SMAD1: variants seen among roughly 807,000 people sequenced by gnomAD.
The protein encoded by SMAD1 is MAD, mothers against decapentaplegic homolog 1.
In SMAD1, 6 loss-of-function variants were observed where a neutral mutation model predicts 41.6. The ratio of observed to expected loss-of-function variants is 0.14; its 90% confidence interval spans 0.08 to 0.28. The LOEUF (loss-of-function observed/expected upper bound fraction) is 0.28. SMAD1 is among the 10% of genes least tolerant of loss of function. The pLI, the probability that SMAD1 is intolerant of heterozygous loss-of-function variation, is 1.00. For synonymous variants in SMAD1, 206 were observed against 203.2 expected, an observed-to-expected ratio of 1.01 and a Z score of -0.12; for missense variants, 379 against 582.6, an observed-to-expected ratio of 0.65 and a Z score of 3.60.
Position 145,547,726 on chromosome 4 carries a change from G to A in SMAD1, c.997+802G>A, listed in dbSNP as rs187408924. 1.8e-3 allele frequency among the ~76,000 whole-genome samples: 269 copies of A among 152,290 alleles called. 1 individual carries two copies. Among genetic ancestry groups the A allele is most frequent in the Non-Finnish European group, 3.3e-3 (223 of 68,012 alleles). On this transcript the variant is annotated intron_variant, in intron 5 of 6. Coordinates refer to ENST00000302085, the MANE Select transcript of SMAD1 (RefSeq NM_005900.3). ...CTGTGGAAAACAGACATATAAATGC[G>A]GAGGGGAGCAAAAAGTAAACCCTGT...
At chr4:145,505,289 C>G (rs1293144449) in intron 1 of SMAD1, among the ~76,000 whole-genome samples, 1 of 152,146 alleles carries the variant, frequency 6.6e-6, no homozygotes, top group East Asian at 1.9e-4. Context: ...TGAATCCTAT[C>G]CAAAATTGGA....
chr4:145,557,104 C>T (rs901377025), intron 6 of SMAD1, among the ~76,000 whole-genome samples: 1 of 152,152 alleles, frequency 6.6e-6, no homozygotes, highest in Admixed American at 6.5e-5. Context: ...CATTGTCCAC[C>T]CTCACCAATG....
At chr4:145,512,656 A>T (rs1486339768) in intron 1 of SMAD1, among the ~76,000 whole-genome samples, 1 of 152,176 alleles carries the variant, frequency 6.6e-6, no homozygotes, top group Admixed American at 6.5e-5. Flanking sequence ...AATAGTAATC[A>T]TTAATACTTT....
chr4:145,557,748 C>T, intron 6 of SMAD1, 43 bp from the exon 7 acceptor site: 1 of 1,493,404 alleles, frequency 6.7e-7, no homozygotes. Flanking sequence ...AGTTTAACCA[C>T]TGAGTTAAAC....
At position 145,557,670 on chromosome 4, in the gene SMAD1, G is replaced by A. The variant is rs6829091; in HGVS notation, c.1255-121G>A. 3.3e-4 allele frequency: 221 copies of A among 662,888 alleles called. No homozygotes were observed. The African/African-American group carries it at 3.8e-3, about 11-fold the overall frequency. The allele number at this position is 662,888 out of a possible 1,614,324, so 41.1% of individuals were successfully genotyped here. A position where few individuals can be genotyped will look rare whatever the true frequency, so the allele number is the denominator to read the frequency against. Reference sequence around the variant, plus strand: ...TGTTTTTTTCTCCCCAGGGGCGGGGGGGTCAGGGAGGAAAGATGCATAGCT... The same window carrying A: ...TGTTTTTTTCTCCCCAGGGGCGGGGAGGTCAGGGAGGAAAGATGCATAGCT... On this transcript the variant is annotated intron_variant, in intron 6 of 6. Coordinates refer to ENST00000302085, the MANE Select transcript of SMAD1 (RefSeq NM_005900.3).
chr4:145,537,769 T>C (rs983180512), intron 2 of SMAD1, among the ~76,000 whole-genome samples: 1 of 152,180 alleles, frequency 6.6e-6, no homozygotes, highest in African/African-American at 2.4e-5. Flanking sequence ...CAAAGGCTAG[T>C]TCTTCCTCCC....
At chr4:145,484,744 T>TA (rs1451233380) in intron 1 of SMAD1, 2 of 152,208 alleles carry the variant, frequency 1.3e-5, no homozygotes, top group African/African-American at 4.8e-5. Flanking sequence ...GCAGCTCTGA[T>TA]ATGTGTACTG....
At chr4:145,518,468 G>A (rs1486913849) in intron 2 of SMAD1, among the ~76,000 whole-genome samples, 2 of 114,878 alleles carry the variant, frequency 1.7e-5, no homozygotes, top group Non-Finnish European at 4.2e-5. Context: ...CAGCCTGGGG[G>A]ACAAGAGTGA....
chr4:145,485,370 T>C (rs1728433035), intron 1 of SMAD1, among the ~76,000 whole-genome samples: 2 of 152,198 alleles, frequency 1.3e-5, no homozygotes, highest in African/African-American at 4.8e-5. Context: ...GCCACTGCAC[T>C]CGGCTACTTA....
chr4:145,522,337 C>T (rs1181159337), intron 2 of SMAD1, among the ~76,000 whole-genome samples: 1 of 152,056 alleles, frequency 6.6e-6, no homozygotes, highest in Non-Finnish European at 1.5e-5. Context: ...TGCAGTGGCT[C>T]ACGCCTGTAA....
intron 1 of SMAD1, among the ~76,000 whole-genome samples, chr4:145,494,788 C>T (rs1247508061): frequency 6.6e-6 from 1 of 152,100 alleles, no homozygotes; most frequent in Non-Finnish European, 1.5e-5. Flanking sequence ...AGTTATGAAC[C>T]ATGTCTTTTA....
chr4:145,510,629 T>C (rs1049900458), intron 1 of SMAD1, among the ~76,000 whole-genome samples: 5 of 152,194 alleles, frequency 3.3e-5, no homozygotes, highest in African/African-American at 7.2e-5. Context: ...TTTGCTTTGT[T>C]ATTCATTATA....
chr4:145,535,582 C>G (rs1731567899), intron 2 of SMAD1, among the ~76,000 whole-genome samples: 1 of 151,980 alleles, frequency 6.6e-6, no homozygotes, highest in South Asian at 2.1e-4. Flanking sequence ...GGCTATCTTT[C>G]TTTTTAGCAG....
In SMAD1 at chr4:145,546,918, G is replaced by A; in HGVS notation, c.991G>A (p.Gly331Arg). 6.2e-7 allele frequency: 1 copy of A among 1,613,606 alleles called. No individual in the cohort carries two copies. Among genetic ancestry groups the A allele is most frequent in the Non-Finnish European group, 8.5e-7 (1 of 1,179,524 alleles). The change falls in exon 5 of 7, where the codon GGA becomes AGA. Residue 331 changes from glycine (G) to arginine (R), a missense_variant. By Grantham distance (125) the Gly-to-Arg change is moderately radical. This residue lies in a region of SMAD1 where 107 missense variants were observed against 218.3 expected (regional missense o/e 0.49). Coordinates refer to ENST00000302085, the MANE Select transcript of SMAD1 (RefSeq NM_005900.3). ...STIENTRRHI[G>R]KGVHLYYVGG... ...TATTGAAAACACCAGGCGGCATATT[G>A]GAAAAGGTGAGTTTTTGCTTTAACC...
At chr4:145,547,979 T>G (rs1409572230) in intron 5 of SMAD1, among the ~76,000 whole-genome samples, 1 of 152,148 alleles carries the variant, frequency 6.6e-6, no homozygotes, top group Non-Finnish European at 1.5e-5. Context: ...GCTAATACCA[T>G]GTCCCACTAA....
chr4:145,522,666 GTTTTGTTTTGTTT>G (rs1730811870), intron 2 of SMAD1, among the ~76,000 whole-genome samples: 2 of 151,898 alleles, frequency 1.3e-5, no homozygotes, highest in African/African-American at 2.4e-5. Context: ...GTTTTGTTTT[GTTTTGTTTTGTTT>G]TTTTGTTTTT....
chr4:145,535,985 A>C (rs78064322), intron 2 of SMAD1, among the ~76,000 whole-genome samples: 2 of 121,746 alleles, frequency 1.6e-5, no homozygotes, highest in East Asian at 4.1e-4. Context: ...TTAGTATACC[A>C]AAAAAAAAAA....
chr4:145,530,682 C>T (rs1731271074), intron 2 of SMAD1, among the ~76,000 whole-genome samples: 1 of 151,444 alleles, frequency 6.6e-6, no homozygotes. Context: ...AAAGTAAATA[C>T]TACCGTGTTG....
intron 2 of SMAD1, among the ~76,000 whole-genome samples, chr4:145,537,283 C>G (rs1731662797): frequency 6.6e-6 from 1 of 152,080 alleles, no homozygotes; most frequent in Non-Finnish European, 1.5e-5. Flanking sequence ...TTGGGAGTTA[C>G]TCTGAAATGC....
Sources: allele counts gnomAD v4.1 joint callset (sites outside exome capture counted in the v4.1 genomes callset), GRCh38; gene constraint gnomAD v4.1.1; regional missense constraint gnomAD v4.1.1; transcripts MANE v1.5; gene names NCBI Gene and HGNC (gene_info 2026-07-23, HGNC 2026-07-21).